The following CCDC178 variants were observed in gnomAD, a reference collection of about 807,000 sequenced individuals.
The protein encoded by CCDC178 is coiled-coil domain-containing protein 178.
In CCDC178, 126 loss-of-function variants were observed where a neutral mutation model predicts 117.4. The observed-to-expected ratio is 1.07, with a 90% CI of 0.93 to 1.24. CCDC178 has a LOEUF of 1.24. Ranked by LOEUF, CCDC178 falls within the 50% of genes most tolerant of loss-of-function variation. The pLI is 0.00. For missense variants in CCDC178, 1,030 were observed against 986.9 expected (o/e 1.04, Z -0.59); for synonymous variants, 283 against 313.4 (o/e 0.90, Z 1.02).
intron 12 of CCDC178, among the ~76,000 whole-genome samples, chr18:33,290,280 T>C (rs1037319837): frequency 6.6e-6 from 1 of 152,206 alleles, no homozygotes; most frequent in Non-Finnish European, 1.5e-5. Flanking sequence ...TTTTAAACTA[T>C]TTCTACCATA....
chr18:33,148,477 G>GGAGGGA lies in CCDC178; in HGVS notation c.2239-55573_2239-55568dup, dbSNP rs796141264. On this transcript the variant is annotated intron_variant, in intron 20 of 22. Coordinates refer to ENST00000383096, the MANE Select transcript of CCDC178 (RefSeq NM_001105528.4). ...GGAGAGGGAGACCGTGGGGAGAGGG[G>GGAGGGA]GAGGGAGAGGGAGAGGGAGAGCTCT... 6.6e-4 allele frequency among the ~76,000 whole-genome samples: 100 copies of GGAGGGA among 151,292 alleles called. 1 individual carries two copies. The highest frequency in any genetic ancestry group is 6.3e-3 in the Admixed American group (96 of 15,236).
intron 10 of CCDC178, chr18:33,328,083 A>T (rs8087168): frequency 0.14 from 14,474 of 99,848 alleles, 1,458 homozygotes; most frequent in African/African-American, 0.47. Context: ...TTATCCCTAG[A>T]TTTTTTTTTT....
chr18:33,036,993 T>C (rs2056456796), intron 21 of CCDC178, among the ~76,000 whole-genome samples: 2 of 151,846 alleles, frequency 1.3e-5, no homozygotes, highest in Admixed American at 1.3e-4. Flanking sequence ...AAGGAGAGTC[T>C]TGAAGAAGAC....
chr18:33,212,463 T>C (rs1404598125), intron 19 of CCDC178, among the ~76,000 whole-genome samples: 1 of 151,970 alleles, frequency 6.6e-6, no homozygotes, highest in Non-Finnish European at 1.5e-5. Context: ...ACCCACTAAA[T>C]GTGACTTACA....
intron 5 of CCDC178, among the ~76,000 whole-genome samples, chr18:33,386,744 A>G (rs1400894052): frequency 6.6e-6 from 1 of 152,140 alleles, no homozygotes; most frequent in African/African-American, 2.4e-5. Context: ...TTTATCACAA[A>G]CCCACAGTCA....
At chr18:33,339,653 G>T (rs1205976372) in intron 9 of CCDC178, among the ~76,000 whole-genome samples, 6 of 151,986 alleles carry the variant, frequency 3.9e-5, no homozygotes, top group African/African-American at 1.4e-4. Flanking sequence ...CCCAGGGGGA[G>T]GTAACTGAAT....
chr18:33,364,032 T>A (rs1555692973), intron 6 of CCDC178, among the ~76,000 whole-genome samples: 1 of 152,096 alleles, frequency 6.6e-6, no homozygotes, highest in Non-Finnish European at 1.5e-5. Context: ...TAAGCACTTG[T>A]CTGTTGAGAT....
At chr18:33,416,495 G>A (rs2144916807) in intron 2 of CCDC178, among the ~76,000 whole-genome samples, 1 of 151,974 alleles carries the variant, frequency 6.6e-6, no homozygotes, top group African/African-American at 2.4e-5. Context: ...TATCTACCCT[G>A]GATAGGCTAT....
intron 15 of CCDC178, among the ~76,000 whole-genome samples, chr18:33,231,301 C>A (rs1165967667): frequency 6.6e-6 from 1 of 151,996 alleles, no homozygotes; most frequent in Non-Finnish European, 1.5e-5. Context: ...TGCAAAGTAA[C>A]TGGCCTAGAC....
chr18:33,320,667 G>C (rs893635277), intron 11 of CCDC178, among the ~76,000 whole-genome samples: 2 of 152,134 alleles, frequency 1.3e-5, no homozygotes, highest in Non-Finnish European at 2.9e-5. Context: ...TACTGCCCAA[G>C]GTAATTGATA....
intron 21 of CCDC178, among the ~76,000 whole-genome samples, chr18:33,038,290 G>T (rs2056482734): frequency 1.3e-5 from 2 of 151,978 alleles, no homozygotes; most frequent in South Asian, 4.1e-4. Flanking sequence ...ATATCTCAAA[G>T]ATGTATAAAT....
intron 21 of CCDC178, among the ~76,000 whole-genome samples, chr18:33,046,441 C>T (rs1012031580): frequency 1.3e-5 from 2 of 151,892 alleles, no homozygotes; most frequent in Admixed American, 6.6e-5. Flanking sequence ...GACAACTTCT[C>T]ATATACTACT....
chr18:33,395,893 G>T (rs1183913884), intron 4 of CCDC178, among the ~76,000 whole-genome samples: 1 of 152,038 alleles, frequency 6.6e-6, no homozygotes, highest in East Asian at 1.9e-4. Flanking sequence ...CTTAGAAGAT[G>T]AATTGGACGA....
intron 12 of CCDC178, among the ~76,000 whole-genome samples, chr18:33,285,014 A>G (rs898653147): frequency 1.3e-5 from 2 of 152,108 alleles, no homozygotes; most frequent in African/African-American, 4.8e-5. Flanking sequence ...AAGAAAAAAG[A>G]AAGAAATTGT....
intron 21 of CCDC178, among the ~76,000 whole-genome samples, chr18:33,016,701 T>C (rs2055999241): frequency 6.6e-6 from 1 of 152,006 alleles, no homozygotes; most frequent in South Asian, 2.1e-4. Flanking sequence ...TATTAGATTG[T>C]TATAAGCAAA....
intron 11 of CCDC178, among the ~76,000 whole-genome samples, chr18:33,320,571 C>G (rs2062492494): frequency 6.6e-6 from 1 of 152,114 alleles, no homozygotes; most frequent in Non-Finnish European, 1.5e-5. Context: ...AACTACAAAC[C>G]ACTGCTCAAT....
At chr18:33,329,239 A>G (rs1016700021) in intron 10 of CCDC178, among the ~76,000 whole-genome samples, 6 of 152,168 alleles carry the variant, frequency 3.9e-5, no homozygotes, top group South Asian at 4.1e-4. Flanking sequence ...CTGATAATAA[A>G]GAAAATTTGA....
At chr18:33,112,665 T>A (rs1174803163) in intron 20 of CCDC178, among the ~76,000 whole-genome samples, 3 of 151,924 alleles carry the variant, frequency 2.0e-5, no homozygotes, top group Non-Finnish European at 2.9e-5. Flanking sequence ...TTTCACTTTG[T>A]TAGCTTTCAT....
chr18:33,194,918 A>AAAAAG (rs1555659378), intron 20 of CCDC178, among the ~76,000 whole-genome samples: 2 of 144,256 alleles, frequency 1.4e-5, no homozygotes, highest in South Asian at 2.1e-4. Flanking sequence ...AAAAAAAAAA[A>AAAAAG]AGAGAGAGAG....
Sources: gnomAD v4.1 joint callset for allele counts (sites outside exome capture counted in the v4.1 genomes callset) on GRCh38, gnomAD v4.1.1 for gene constraint, MANE v1.5 for transcripts, NCBI Gene and HGNC (gene_info 2026-07-23, HGNC 2026-07-21) for gene names.